The following METTL6 variants were observed in gnomAD, a reference collection of about 807,000 sequenced individuals.
METTL6 encodes tRNA N(3)-cytidine methyltransferase METTL6.
METTL6 carries 22 observed loss-of-function variants against 26.4 expected under a neutral mutation model. The ratio of observed to expected loss-of-function variants is 0.83; its 90% confidence interval spans 0.59 to 1.19. The LOEUF is 1.19. Ranked by LOEUF, METTL6 falls within the 50% of genes most tolerant of loss-of-function variation. METTL6 has a pLI of 0.00. For synonymous variants in METTL6, 109 were observed against 116.2 expected, an observed-to-expected ratio of 0.94 and a Z score of 0.40; for missense variants, 304 against 324.8, an observed-to-expected ratio of 0.94 and a Z score of 0.49.
chr3:15,425,344 C>T (rs2061693974), intron 2 of METTL6, among the ~76,000 whole-genome samples: 1 of 152,156 alleles, frequency 6.6e-6, no homozygotes, highest in Non-Finnish European at 1.5e-5. Flanking sequence ...TCAACTCCTC[C>T]CCTGCATTCT....
chr3:15,394,316 T>C (rs1699428068), intron 6 of METTL6, among the ~76,000 whole-genome samples: 1 of 152,212 alleles, frequency 6.6e-6, no homozygotes, highest in Non-Finnish European at 1.5e-5. Flanking sequence ...TGATGGTAGT[T>C]TGTATTTCTG....
At chr3:15,394,563 T>C (rs1259364257) in intron 6 of METTL6, among the ~76,000 whole-genome samples, 1 of 152,244 alleles carries the variant, frequency 6.6e-6, no homozygotes, top group Non-Finnish European at 1.5e-5. Context: ...TTGCTCTTGC[T>C]TCTCTAGTTC....
downstream of METTL6, among the ~76,000 whole-genome samples, chr3:15,406,050 A>G (rs1239720390): frequency 2.0e-5 from 3 of 152,008 alleles, no homozygotes; most frequent in East Asian, 3.9e-4. Flanking sequence ...TCACTATACT[A>G]TATGTATTAA....
At chr3:15,402,592 G>A (rs1216713278) in intron 6 of METTL6, among the ~76,000 whole-genome samples, 1 of 151,938 alleles carries the variant, frequency 6.6e-6, no homozygotes, top group African/African-American at 2.4e-5. Context: ...AAATTAAGCA[G>A]GCGTGGTGGC....
chr3:15,427,288 G>T (rs1156771052), intron 1 of METTL6, 114 bp downstream of exon 1: 1 of 191,332 alleles, frequency 5.2e-6, no homozygotes, highest in Non-Finnish European at 1.1e-5. Context: ...CCTAGACCCT[G>T]AGGAGGGCGT....
intron 6 of METTL6, among the ~76,000 whole-genome samples, chr3:15,403,528 C>G (rs561559412): frequency 6.6e-6 from 1 of 152,300 alleles, no homozygotes; most frequent in African/African-American, 2.4e-5. Context: ...ATGGCACTCA[C>G]GATTTCCACA....
At chr3:15,388,393 G>T (rs1699254641) in intron 6 of METTL6, among the ~76,000 whole-genome samples, 1 of 152,190 alleles carries the variant, frequency 6.6e-6, no homozygotes, top group East Asian at 1.9e-4. Context: ...TTACAAGTGT[G>T]AGCCACTGCA....
intron 2 of METTL6, among the ~76,000 whole-genome samples, chr3:15,426,045 A>T (rs2061713053): frequency 6.6e-6 from 1 of 152,082 alleles, no homozygotes; most frequent in Non-Finnish European, 1.5e-5. Flanking sequence ...GGTTCAAGCG[A>T]TTCTCCTGCC....
intron 5 of METTL6, among the ~76,000 whole-genome samples, chr3:15,412,770 T>C (rs1700027188): frequency 6.6e-6 from 1 of 152,110 alleles, no homozygotes; most frequent in Admixed American, 6.6e-5. Context: ...GCAGCTTTAA[T>C]AGTAATCACT....
At chr3:15,385,457 G>A (rs557604960) in intron 6 of METTL6, among the ~76,000 whole-genome samples, 53 of 152,128 alleles carry the variant, frequency 3.5e-4, no homozygotes, top group Middle Eastern at 3.4e-3. Context: ...ACATAGCTGC[G>A]CGTGGTGGTG....
exon 7 of METTL6, chr3:15,382,898 T>G (rs1235610468): frequency 1.3e-5 from 2 of 152,158 alleles, no homozygotes; most frequent in African/African-American, 4.8e-5. Context: ...AAATACCACA[T>G]GATTTCACTT....
At chr3:15,386,976 G>T (rs1239523693) in intron 6 of METTL6, among the ~76,000 whole-genome samples, 1 of 150,216 alleles carries the variant, frequency 6.7e-6, no homozygotes, top group African/African-American at 2.5e-5. Flanking sequence ...ATTTTTAGCA[G>T]AGATGGGGGG....
At chr3:15,411,792 T>C (rs1387601659) in intron 5 of METTL6, among the ~76,000 whole-genome samples, 3 of 151,812 alleles carry the variant, frequency 2.0e-5, no homozygotes, top group African/African-American at 4.8e-5. Flanking sequence ...TGAGACACAA[T>C]GTCACTCTGT....
chr3:15,409,158 C>G (rs1699880463), downstream of METTL6, among the ~76,000 whole-genome samples: 1 of 152,196 alleles, frequency 6.6e-6, no homozygotes, highest in Admixed American at 6.5e-5. Context: ...CTGCCTGCCC[C>G]TCTTCTCTTC....
downstream of METTL6, among the ~76,000 whole-genome samples, chr3:15,405,251 C>T (rs2124942596): frequency 6.6e-6 from 1 of 152,266 alleles, no homozygotes; most frequent in East Asian, 1.9e-4. Flanking sequence ...GCCTTTCGAG[C>T]CCATCACAGA....
chr3:15,427,081 C>T (rs76341529), intron 1 of METTL6, among the ~76,000 whole-genome samples: 1 of 152,180 alleles, frequency 6.6e-6, no homozygotes, highest in African/African-American at 2.4e-5. Flanking sequence ...GGAAATGAAG[C>T]TAAGCCTGGG....
intron 6 of METTL6, among the ~76,000 whole-genome samples, chr3:15,398,536 A>T (rs114011779): frequency 0.022 from 3,360 of 152,228 alleles, 110 homozygotes; most frequent in African/African-American, 0.075. Context: ...GGCAGGAAGA[A>T]CCTGTCAGGC....
chr3:15,403,903 T>G (rs1415203822), intron 6 of METTL6, among the ~76,000 whole-genome samples: 1 of 152,190 alleles, frequency 6.6e-6, no homozygotes, highest in African/African-American at 2.4e-5. Context: ...AAGGGCAACT[T>G]CCTGACATTG....
At chr3:15,390,610 T>C (rs1699318372) in intron 6 of METTL6, among the ~76,000 whole-genome samples, 1 of 152,152 alleles carries the variant, frequency 6.6e-6, no homozygotes, top group African/African-American at 2.4e-5. Flanking sequence ...AAAAAACGAA[T>C]GCTGGAATTG....
Sources: gnomAD v4.1 joint callset for allele counts (sites outside exome capture counted in the v4.1 genomes callset) on GRCh38, gnomAD v4.1.1 for gene constraint, MANE v1.5 for transcripts, NCBI Gene and HGNC (gene_info 2026-07-23, HGNC 2026-07-21) for gene names.